CADPS2: variants seen among roughly 807,000 people sequenced by gnomAD.
CADPS2 encodes calcium dependent secretion activator 2, also known as calcium-dependent secretion activator 2.
A neutral mutation model predicts 172.5 loss-of-function variants in CADPS2; 93 were observed. The ratio of observed to expected loss-of-function variants is 0.54; its 90% CI spans 0.46 to 0.64. The LOEUF is 0.64. CADPS2 is among the 30% of genes least tolerant of loss of function. The probability of loss-of-function intolerance (pLI) is 0.00; values close to 1 mark genes in which losing one functional copy is unlikely to be tolerated. For missense variants in CADPS2, 1,420 were observed against 1,565.9 expected (o/e 0.91, Z 1.57); for synonymous variants, 546 against 555.2 (o/e 0.98, Z 0.23).
chr7:122,606,070 T>C (rs2073490890), intron 6 of CADPS2, among the ~76,000 whole-genome samples: 1 of 152,202 alleles, frequency 6.6e-6, no homozygotes, highest in Non-Finnish European at 1.5e-5. Flanking sequence ...CCAACTTTAC[T>C]GAAAGTAAAA....
At chr7:122,856,239 C>T (rs1472868036) in intron 1 of CADPS2, among the ~76,000 whole-genome samples, 1 of 152,190 alleles carries the variant, frequency 6.6e-6, no homozygotes, top group Non-Finnish European at 1.5e-5. Context: ...GCTTTCTGTT[C>T]AGAGCCAACA....
At chr7:122,834,274 G>A (rs2140705299) in intron 1 of CADPS2, among the ~76,000 whole-genome samples, 1 of 152,288 alleles carries the variant, frequency 6.6e-6, no homozygotes, top group Admixed American at 6.5e-5. Flanking sequence ...CAGAGTTGAA[G>A]AAATCTGAAA....
At chr7:122,346,131 C>T (rs1295473009) in intron 27 of CADPS2, among the ~76,000 whole-genome samples, 3 of 152,020 alleles carry the variant, frequency 2.0e-5, no homozygotes, top group Non-Finnish European at 4.4e-5. Context: ...CTTTGAAAGG[C>T]TGAGGCAGGT....
chr7:122,729,687 T>G (rs1263937503), intron 2 of CADPS2, among the ~76,000 whole-genome samples: 1 of 149,556 alleles, frequency 6.7e-6, no homozygotes, highest in Non-Finnish European at 1.5e-5. Flanking sequence ...TTTTTTTTTT[T>G]TTTTTTTTTT....
chr7:122,631,036 A>G (rs1185422596), intron 3 of CADPS2, among the ~76,000 whole-genome samples: 1 of 152,184 alleles, frequency 6.6e-6, no homozygotes. Flanking sequence ...TAACGTAATT[A>G]TGAAGAAAAA....
At chr7:122,836,956 C>G (rs1158918450) in intron 1 of CADPS2, among the ~76,000 whole-genome samples, 1 of 152,160 alleles carries the variant, frequency 6.6e-6, no homozygotes, top group Non-Finnish European at 1.5e-5. Flanking sequence ...ACGCTCCACC[C>G]CAAATCAACA....
chr7:122,774,537 G>A (rs1212444851), intron 1 of CADPS2, among the ~76,000 whole-genome samples: 2 of 152,052 alleles, frequency 1.3e-5, no homozygotes, highest in African/African-American at 4.8e-5. Context: ...TTTAATAAAA[G>A]CATAGGTTAT....
At chr7:122,606,065 T>G (rs572419239) in intron 6 of CADPS2, among the ~76,000 whole-genome samples, 2 of 152,318 alleles carry the variant, frequency 1.3e-5, no homozygotes, top group South Asian at 4.1e-4. Context: ...CTTTGCCAAC[T>G]TTACTGAAAG....
intron 1 of CADPS2, among the ~76,000 whole-genome samples, chr7:122,740,936 G>A (rs1401144440): frequency 6.6e-6 from 1 of 152,076 alleles, no homozygotes; most frequent in Non-Finnish European, 1.5e-5. Flanking sequence ...TGTATGAGAA[G>A]CCATTTTAAA....
At chr7:122,421,500 A>G (rs905885607) in intron 17 of CADPS2, among the ~76,000 whole-genome samples, 2 of 152,150 alleles carry the variant, frequency 1.3e-5, no homozygotes, top group Non-Finnish European at 2.9e-5. Context: ...ATTCCTGTAT[A>G]TGCATTCATT....
chr7:122,643,022 A>T (rs2077858291), intron 3 of CADPS2, among the ~76,000 whole-genome samples: 1 of 152,174 alleles, frequency 6.6e-6, no homozygotes, highest in South Asian at 2.1e-4. Flanking sequence ...CTTCCCTGAG[A>T]TTAATTCCTA....
At position 122,387,647 on chromosome 7, in the gene CADPS2, G is replaced by C. The variant is rs114509612; in HGVS notation, c.3165-474C>G. Among the ~76,000 whole-genome samples, 549 of 152,182 alleles carry C rather than the reference G, an allele frequency of 3.6e-3. 5 individuals are homozygous for C. Among genetic ancestry groups the C allele is most frequent in the African/African-American group, 0.012 (518 of 41,546 alleles). ...GTAATCAATGTACAACAGACAATGT[G>C]TAATTCTTTTATGTCACTTACATTC... On this transcript the variant is annotated intron_variant, in intron 23 of 29. Coordinates refer to ENST00000449022, the MANE Select transcript of CADPS2 (RefSeq NM_017954.11).
intron 1 of CADPS2, chr7:122,850,104 C>A: frequency 7.4e-7 from 1 of 1,352,656 alleles, no homozygotes. Flanking sequence ...GTTCACAGAC[C>A]TGGCATCCAT....
At chr7:122,721,417 G>A (rs959823611) in intron 2 of CADPS2, among the ~76,000 whole-genome samples, 11 of 152,068 alleles carry the variant, frequency 7.2e-5, no homozygotes, top group Non-Finnish European at 1.2e-4. Flanking sequence ...ACACCTCTAC[G>A]CAAATAAACT....
At chr7:122,834,481 G>A (rs1347993085) in intron 1 of CADPS2, among the ~76,000 whole-genome samples, 2 of 152,128 alleles carry the variant, frequency 1.3e-5, no homozygotes, top group African/African-American at 4.8e-5. Flanking sequence ...CCGAAGCAGG[G>A]TGAGGCAATG....
chr7:122,656,610 T>A (rs2079829178), intron 3 of CADPS2, among the ~76,000 whole-genome samples: 1 of 152,106 alleles, frequency 6.6e-6, no homozygotes, highest in Non-Finnish European at 1.5e-5. Flanking sequence ...TAGAGGACAC[T>A]CCATCTCTCC....
chr7:122,503,174 G>T (rs905179827), intron 9 of CADPS2, among the ~76,000 whole-genome samples: 1 of 151,782 alleles, frequency 6.6e-6, no homozygotes, highest in Non-Finnish European at 1.5e-5. Context: ...TGGGATTACA[G>T]GCACGTGCCA....
At position 122,532,786 on chromosome 7, in the gene CADPS2, G is replaced by C. The variant is rs1219967156; in HGVS notation, c.1476-19471C>G. Among the ~76,000 whole-genome samples, 8 of 151,922 alleles carry C rather than the reference G, an allele frequency of 5.3e-5. 1 individual carries two copies. ...CTAAAAGTATACAGTTATATTTCCC[G>C]AGAGTACGATAAACAATTTTAATGG... On this transcript the variant is annotated intron_variant, in intron 8 of 29. Transcript: ENST00000449022.
chr7:122,358,443 G>A (rs2039706624), intron 27 of CADPS2, among the ~76,000 whole-genome samples: 1 of 152,006 alleles, frequency 6.6e-6, no homozygotes, highest in African/African-American at 2.4e-5. Context: ...ATGAATAAGA[G>A]TATACTTATC....
Sources: allele counts gnomAD v4.1 joint callset (sites outside exome capture counted in the v4.1 genomes callset), GRCh38; gene constraint gnomAD v4.1.1; transcripts MANE v1.5; gene names NCBI Gene and HGNC (gene_info 2026-07-23, HGNC 2026-07-21).